USH2A: variants seen among roughly 807,000 people sequenced by gnomAD.
USH2A encodes Usher syndrome 2A (autosomal recessive, mild).
In USH2A, 443 loss-of-function variants were observed where a neutral mutation model predicts 538.9. The observed-to-expected ratio is 0.82, with a 90% CI of 0.76 to 0.89. The LOEUF is 0.89. Ranked by LOEUF, USH2A falls within the 40% of genes least tolerant of loss-of-function variation. The pLI is 0.00. For missense variants in USH2A, 6,633 were observed against 6,324.8 expected, an observed-to-expected ratio of 1.05 and a Z score of -1.65; for synonymous variants, 2,413 against 2,273.5, an observed-to-expected ratio of 1.06 and a Z score of -1.75.
chr1:215,728,256 G>A lies in USH2A; in HGVS notation c.11840C>T (p.Ser3947Phe), dbSNP rs764061370. The A allele has an allele frequency of 4.3e-6, 7 of 1,614,070 alleles. No homozygotes were observed. In the East Asian group the frequency reaches 1.6e-4, roughly 36 times the overall value. ...CCACAGACTCTCCACTGAACCCTTG[G>A]AGTTACAGGCTCTGACCCGATATTC... Reference protein sequence around the residue: ...LYEYRVRACNSKGSVESLWSL... With the variant: ...LYEYRVRACNFKGSVESLWSL... Residue 3947 changes from serine to phenylalanine, a missense_variant, in exon 61 of 72, where the codon TCC becomes TTC. By Grantham distance (155) the Ser-to-Phe change is radical. Coordinates refer to ENST00000307340, the MANE Select transcript of USH2A (RefSeq NM_206933.4).
At chr1:215,857,331 A>G (rs1289340089) in intron 44 of USH2A, among the ~76,000 whole-genome samples, 1 of 152,154 alleles carries the variant, frequency 6.6e-6, no homozygotes, top group Admixed American at 6.5e-5. Flanking sequence ...TTCATTTGAG[A>G]CTTCTTGAGT....
chr1:215,663,188 G>T (rs1370381384), intron 64 of USH2A, among the ~76,000 whole-genome samples: 1 of 152,102 alleles, frequency 6.6e-6, no homozygotes, highest in Admixed American at 6.5e-5. Context: ...ATAGACAAAA[G>T]AAATGTCTTA....
intron 18 of USH2A, 57 bp from the exon 19 acceptor site, chr1:216,196,779 T>A (rs1200654138): frequency 9.0e-6 from 14 of 1,563,730 alleles, no homozygotes; most frequent in Non-Finnish European, 1.1e-5. Flanking sequence ...CCCTATATAT[T>A]TTTAAATTTA....
Position 216,411,124 on chromosome 1 carries a change from A to C in USH2A, c.651+7390T>G, listed in dbSNP as rs1350110606. ...AACATATCCAGTGATTCTCTTTAAC[A>C]CATAGCCTCTTCCTACTGTTCTGTC... On this transcript the variant is annotated intron_variant, in intron 3 of 71. Transcript: ENST00000307340. Among the ~76,000 whole-genome samples the C allele has an allele frequency of 2.0e-5, 3 of 152,100 alleles. No individual in the cohort carries two copies. In the East Asian group the frequency reaches 5.8e-4, roughly 29 times the overall value.
intron 54 of USH2A, 64 bp downstream of exon 54, chr1:215,781,978 C>T: frequency 6.2e-7 from 1 of 1,607,838 alleles, no homozygotes; most frequent in Non-Finnish European, 8.5e-7. Flanking sequence ...CAGTCACAAC[C>T]TGGATGTTCA....
intron 47 of USH2A, among the ~76,000 whole-genome samples, chr1:215,829,527 C>T (rs1392194583): frequency 1.3e-5 from 2 of 152,006 alleles, no homozygotes; most frequent in African/African-American, 2.4e-5. Flanking sequence ...AGAAGTAGAC[C>T]CCGTCTGCTG....
intron 35 of USH2A, among the ~76,000 whole-genome samples, chr1:215,971,176 A>G (rs1288073379): frequency 6.6e-6 from 1 of 152,208 alleles, no homozygotes; most frequent in South Asian, 2.1e-4. Flanking sequence ...AATGCATTCT[A>G]TATGACTCAT....
At chr1:216,383,841 A>AT (rs1430789412) in intron 3 of USH2A, among the ~76,000 whole-genome samples, 1 of 147,360 alleles carries the variant, frequency 6.8e-6, no homozygotes, top group East Asian at 2.0e-4. Context: ...TGCCTGGCTA[A>AT]TTTTTTTTCT....
chr1:216,011,228 C>T (rs1279569486), intron 32 of USH2A, among the ~76,000 whole-genome samples: 2 of 152,124 alleles, frequency 1.3e-5, no homozygotes, highest in Non-Finnish European at 2.9e-5. Flanking sequence ...CTCCACAATC[C>T]ATTATTCTGT....
chr1:215,951,628 T>C (rs1294851508), intron 37 of USH2A, among the ~76,000 whole-genome samples: 1 of 152,068 alleles, frequency 6.6e-6, no homozygotes, highest in Non-Finnish European at 1.5e-5. Flanking sequence ...TCTGTCTCGT[T>C]GATCTGTCTA....
intron 61 of USH2A, among the ~76,000 whole-genome samples, chr1:215,687,069 T>C (rs1658448207): frequency 6.6e-6 from 1 of 152,062 alleles, no homozygotes; most frequent in Non-Finnish European, 1.5e-5. Flanking sequence ...TCCCAGCCCC[T>C]TGTACATATC....
At chr1:215,731,626 A>G (rs906191195) in intron 60 of USH2A, among the ~76,000 whole-genome samples, 7 of 152,334 alleles carry the variant, frequency 4.6e-5, no homozygotes, top group Middle Eastern at 3.4e-3. Context: ...AAGTATAAAA[A>G]CTAGGAACCA....
chr1:216,254,143 T>A lies in USH2A; in HGVS notation c.1972-3045A>T, dbSNP rs141136093. On this transcript the variant is annotated intron_variant, in intron 11 of 71. Coordinates refer to ENST00000307340, the MANE Select transcript of USH2A (RefSeq NM_206933.4). ...AAATAACAAGTTTACTCCCATTTCA[T>A]TAATCTCTCTGTAACACATATAGAT... is the stretch of plus-strand genomic sequence containing the variant. 3.6e-3 allele frequency among the ~76,000 whole-genome samples: 548 copies of A among 152,334 alleles called. 3 individuals carry two copies. Among genetic ancestry groups the A allele is most frequent in the African/African-American group, 0.012 (519 of 41,578 alleles).
chr1:215,879,807 G>A (rs12093880), intron 41 of USH2A, among the ~76,000 whole-genome samples: 1 of 152,066 alleles, frequency 6.6e-6, no homozygotes, highest in African/African-American at 2.4e-5. Flanking sequence ...TTCTTTTCTG[G>A]CTAAACTCTA....
At chr1:216,342,954 C>A (rs956308446) in intron 4 of USH2A, among the ~76,000 whole-genome samples, 48 of 152,036 alleles carry the variant, frequency 3.2e-4, no homozygotes, top group African/African-American at 1.1e-3. Context: ...ACCTATGTAA[C>A]AAACTTTCAC....
chr1:216,000,223 A>T (rs1166785668), intron 33 of USH2A, among the ~76,000 whole-genome samples, 180 bp downstream of exon 33: 1 of 152,184 alleles, frequency 6.6e-6, no homozygotes, highest in Admixed American at 6.6e-5. Flanking sequence ...GATTGCATAA[A>T]GACAAAATGG....
chr1:216,134,585 C>T (rs2102605057), intron 21 of USH2A, among the ~76,000 whole-genome samples: 1 of 152,184 alleles, frequency 6.6e-6, no homozygotes, highest in East Asian at 1.9e-4. Flanking sequence ...GTCAAATCAA[C>T]TTAAAGTCCA....
At chr1:215,652,045 C>T (rs141927409) in intron 64 of USH2A, among the ~76,000 whole-genome samples, 4 of 152,372 alleles carry the variant, frequency 2.6e-5, no homozygotes, top group African/African-American at 9.6e-5. Flanking sequence ...AGCTCGGATA[C>T]ATCCTCTCAT....
Position 216,138,034 on chromosome 1 carries a change from A to C in USH2A, c.4627+37218T>G, listed in dbSNP as rs572282709. 2.6e-5 allele frequency among the ~76,000 whole-genome samples: 4 copies of C among 152,266 alleles called. No individual in the cohort carries two copies. In the South Asian group the frequency reaches 8.3e-4, roughly 32 times the overall value. On this transcript the variant is annotated intron_variant, in intron 21 of 71. Coordinates refer to ENST00000307340, the MANE Select transcript of USH2A (RefSeq NM_206933.4). ...TAACAATTTATAGATTTATTGTATA[A>C]AGTTTTCTTTAAATAATGTCCCAAA...
Sources: gnomAD v4.1 joint callset for allele counts (sites outside exome capture counted in the v4.1 genomes callset) on GRCh38, gnomAD v4.1.1 for gene constraint, MANE v1.5 for transcripts, NCBI Gene and HGNC (gene_info 2026-07-23, HGNC 2026-07-21) for gene names.